Variants in PTPRN2 observed in about 807,000 individuals in gnomAD.
PTPRN2 encodes the protein receptor-type tyrosine-protein phosphatase N2.
PTPRN2 carries 74 observed loss-of-function variants against 118.8 expected under a neutral mutation model. That is an observed-to-expected ratio of 0.62 (90% CI 0.52 to 0.76). PTPRN2 has a LOEUF of 0.76. Ranked by LOEUF, PTPRN2 falls within the 30% of genes least tolerant of loss-of-function variation. The pLI, the probability that PTPRN2 is intolerant of heterozygous loss-of-function variation, is 0.00. For missense variants in PTPRN2, 1,481 were observed against 1,394.4 expected, an observed-to-expected ratio of 1.06 and a Z score of -0.99; for synonymous variants, 641 against 608.0, an observed-to-expected ratio of 1.05 and a Z score of -0.80.
At chr7:158,573,010 T>C (rs147469948) in intron 1 of PTPRN2, among the ~76,000 whole-genome samples, 5 of 152,372 alleles carry the variant, frequency 3.3e-5, no homozygotes, top group South Asian at 4.1e-4. Flanking sequence ...TTAATTCATT[T>C]TGAAATGTTC....
chr7:157,780,997 C>T lies in PTPRN2; in HGVS notation c.1789-98060G>A, dbSNP rs529245449. 1.3e-5 allele frequency among the ~76,000 whole-genome samples: 2 copies of T among 152,344 alleles called. No homozygotes were observed. The highest frequency in any genetic ancestry group is 2.1e-4 in the South Asian group (1 of 4,828). ...ACCTTCTCTGGCCTCCTGCCGCTCACGGCCACAATCACCCCACATCCTGGT... is the reference window on the plus strand; with the variant it reads ...ACCTTCTCTGGCCTCCTGCCGCTCATGGCCACAATCACCCCACATCCTGGT... On this transcript the variant is annotated intron_variant, in intron 12 of 22. Transcript: ENST00000389418. The surrounding 1 kb of genome is among the most constrained non-coding windows in gnomAD (Gnocchi z 4.5).
chr7:157,635,863 T>C (rs756834525), intron 14 of PTPRN2, among the ~76,000 whole-genome samples: 45 of 152,356 alleles, frequency 3.0e-4, no homozygotes, highest in Middle Eastern at 3.4e-3. Flanking sequence ...CCAGGACATT[T>C]GGAACTATTG....
chr7:158,420,610 C>T (rs1016196147), intron 2 of PTPRN2, among the ~76,000 whole-genome samples: 2 of 152,162 alleles, frequency 1.3e-5, no homozygotes, highest in African/African-American at 2.4e-5. Flanking sequence ...GTGCGCATTG[C>T]CCCTGAGTTC....
chr7:157,633,971 G>A (rs1489384717), intron 14 of PTPRN2, among the ~76,000 whole-genome samples: 2 of 152,230 alleles, frequency 1.3e-5, no homozygotes, highest in African/African-American at 2.4e-5. Flanking sequence ...CAGGACTGCT[G>A]CAGCCCACCA....
rs1229878054 is a variant in PTPRN2, at chr7:157,622,534, G to A, written c.2197-1025C>T. Among the ~76,000 whole-genome samples, 1 of 152,092 alleles carries A rather than the reference G, an allele frequency of 6.6e-6. No individual in the cohort carries two copies. The highest frequency in any genetic ancestry group is 2.4e-5 in the African/African-American group (1 of 41,426). On this transcript the variant is annotated intron_variant, in intron 14 of 22. Transcript: ENST00000389418. The surrounding 1 kb of genome is among the most constrained non-coding windows in gnomAD (Gnocchi z 5.3). Reference sequence around the variant, plus strand: ...GAGAAAGAGACACAGAGGGAGGGAGGGCTGGACACGGCGAGGCGGGAATCT... The same window carrying A: ...GAGAAAGAGACACAGAGGGAGGGAGAGCTGGACACGGCGAGGCGGGAATCT...
At chr7:158,478,355 G>A (rs1266705923) in intron 2 of PTPRN2, among the ~76,000 whole-genome samples, 2 of 152,316 alleles carry the variant, frequency 1.3e-5, no homozygotes, top group Middle Eastern at 3.4e-3. Context: ...GAAAGCACAA[G>A]GTCTTGATCA....
intron 2 of PTPRN2, among the ~76,000 whole-genome samples, chr7:158,363,981 C>T (rs1219800491): frequency 6.6e-6 from 1 of 152,168 alleles, no homozygotes; most frequent in Non-Finnish European, 1.5e-5. Flanking sequence ...ACACACGCTT[C>T]CCCAGACATC....
At chr7:158,251,301 G>A (rs1163308139) in intron 3 of PTPRN2, among the ~76,000 whole-genome samples, 2 of 152,236 alleles carry the variant, frequency 1.3e-5, no homozygotes, top group Non-Finnish European at 2.9e-5. Context: ...CTTTCTCCCA[G>A]CAGAGATCAG....
rs529314130 is a variant in PTPRN2, at chr7:158,064,019, A to G, written c.1723+17279T>C. ...CAGTGAGACACGGGCTCATACAGCA[A>G]GACAACACACATGCTCAGTGAGATA... is the stretch of plus-strand genomic sequence containing the variant. On this transcript the variant is annotated intron_variant, in intron 11 of 22. Coordinates refer to ENST00000389418, the MANE Select transcript of PTPRN2 (RefSeq NM_002847.5). 1.1e-4 allele frequency among the ~76,000 whole-genome samples: 16 copies of G among 152,358 alleles called. No individual in the cohort carries two copies. The East Asian group carries it at 3.1e-3, about 29-fold the overall frequency.
At chr7:158,199,829 T>TA (rs1826494799) in intron 4 of PTPRN2, among the ~76,000 whole-genome samples, 1 of 152,144 alleles carries the variant, frequency 6.6e-6, no homozygotes, top group Admixed American at 6.5e-5. Context: ...GGAGCCTGGT[T>TA]AGAAGCAGCT....
chr7:158,074,058 T>A (rs530197973), intron 11 of PTPRN2, among the ~76,000 whole-genome samples: 1 of 152,244 alleles, frequency 6.6e-6, no homozygotes, highest in South Asian at 2.1e-4. Context: ...CTCCCGTCAG[T>A]CTCTAACCCC....
At chr7:158,051,100 TGCCCATGGG>T (rs1809291622) in intron 11 of PTPRN2, among the ~76,000 whole-genome samples, 1 of 152,214 alleles carries the variant, frequency 6.6e-6, no homozygotes, top group African/African-American at 2.4e-5. Flanking sequence ...ATGCTAGCAG[TGCCCATGGG>T]GGGCATCTGC....
rs140368368 is a variant in PTPRN2 at position 158,138,436 on chromosome 7, G to A, written c.990C>T (p.Asp330=). The A allele has an allele frequency of 5.2e-5, 84 of 1,613,364 alleles. No individual in the cohort carries two copies. The highest frequency in any genetic ancestry group is 9.3e-5 in the African/African-American group (7 of 75,064). Reference sequence around the variant, plus strand: ...GGCCAGCCATCAGCTCAGCCATGCCGTCCAGCTCCAGGCCACTCAGGCCCC... The same window carrying A: ...GGCCAGCCATCAGCTCAGCCATGCCATCCAGCTCCAGGCCACTCAGGCCCC... ...EVRGLSGLEL[D]GMAELMAGLM... is the part of the protein sequence containing the mutation. The change falls in exon 7 of 23, where the codon GAC becomes GAT. Residue 330 remains aspartate, a synonymous_variant. Coordinates refer to ENST00000389418, the MANE Select transcript of PTPRN2 (RefSeq NM_002847.5).
intron 3 of PTPRN2, among the ~76,000 whole-genome samples, chr7:158,294,953 G>T (rs1182640462): frequency 7.2e-6 from 1 of 139,094 alleles, no homozygotes; most frequent in Non-Finnish European, 1.5e-5. Flanking sequence ...CCTTTCTGAG[G>T]GTCCAAGCCC....
At chr7:158,390,893 C>T (rs961317749) in intron 2 of PTPRN2, among the ~76,000 whole-genome samples, 2 of 152,210 alleles carry the variant, frequency 1.3e-5, no homozygotes, top group Non-Finnish European at 2.9e-5. Flanking sequence ...GATGAAAACC[C>T]ATCCCCCACG....
intron 17 of PTPRN2, among the ~76,000 whole-genome samples, chr7:157,593,257 G>A (rs533466754): frequency 4.8e-4 from 73 of 150,802 alleles, no homozygotes; most frequent in Middle Eastern, 3.5e-3. Context: ...TGGTTGTTGC[G>A]CGTGGACACC....
rs769858927 is a variant in PTPRN2 at position 158,563,813 on chromosome 7, A to G, written c.112+23745T>C. Among the ~76,000 whole-genome samples, 13 of 152,154 alleles carry G rather than the reference A, an allele frequency of 8.5e-5. No individual in the cohort carries two copies. Among genetic ancestry groups the G allele is most frequent in the Non-Finnish European group, 1.5e-4 (10 of 68,034 alleles). On this transcript the variant is annotated intron_variant, in intron 1 of 22. Transcript: ENST00000389418. This position sits in a 1 kb window ranked among gnomAD's most constrained non-coding sequence, Gnocchi z 5.1. ...AAGTGAGGTCTTTGATTAGATGCCT[A>G]TTTTTTAGGGAATGGTCTTTTCTGT...
At chr7:157,581,632 C>G (rs1800386537) in intron 17 of PTPRN2, among the ~76,000 whole-genome samples, 1 of 152,224 alleles carries the variant, frequency 6.6e-6, no homozygotes, top group Non-Finnish European at 1.5e-5. Context: ...ACCCAAGGAA[C>G]AAGAAGTGCA....
intron 11 of PTPRN2, among the ~76,000 whole-genome samples, chr7:157,981,431 A>G (rs1216138443): frequency 2.6e-5 from 4 of 151,866 alleles, no homozygotes; most frequent in Middle Eastern, 3.4e-3. Context: ...ATGAAACTCA[A>G]CTTCAACTAA....
Sources: allele counts gnomAD v4.1 joint callset (sites outside exome capture counted in the v4.1 genomes callset), GRCh38; gene constraint gnomAD v4.1.1; non-coding constraint Gnocchi (gnomAD v3.1); transcripts MANE v1.5; gene names NCBI Gene and HGNC (gene_info 2026-07-23, HGNC 2026-07-21).